ERG: variants seen among roughly 807,000 people sequenced by gnomAD.
ERG encodes ETS transcription factor ERG.
A neutral mutation model predicts 55.3 loss-of-function variants in ERG; 9 were observed. That is an observed-to-expected ratio of 0.16 (90% confidence interval 0.10 to 0.28). The LOEUF (loss-of-function observed/expected upper bound fraction) is 0.28, where lower values mean the gene tolerates loss of function less well. Among genes scored for constraint, ERG ranks in the 10% least tolerant of loss-of-function variants. The pLI, the probability that ERG is intolerant of heterozygous loss-of-function variation, is 1.00. For missense variants in ERG, 434 were observed against 631.6 expected (o/e 0.69, Z 3.35); for synonymous variants, 223 against 237.3 (o/e 0.94, Z 0.55).
At chr21:38,410,307 AT>A (rs1988984846) in intron 3 of ERG, among the ~76,000 whole-genome samples, 1 of 152,184 alleles carries the variant, frequency 6.6e-6, no homozygotes, top group Admixed American at 6.5e-5. Context: ...TAAGTTGTTC[AT>A]TTTCAGCCTT....
intron 2 of ERG, among the ~76,000 whole-genome samples, chr21:38,562,910 T>G (rs1310479863): frequency 6.6e-6 from 1 of 152,148 alleles, no homozygotes; most frequent in African/African-American, 2.4e-5. Flanking sequence ...TATATAGTAT[T>G]CACCTAATTT....
chr21:38,623,073 A>C (rs1273162091), intron 1 of ERG, among the ~76,000 whole-genome samples: 1 of 149,550 alleles, frequency 6.7e-6, no homozygotes, highest in African/African-American at 2.5e-5. Flanking sequence ...CATAAACCCC[A>C]CATACACACC....
At chr21:38,507,179 G>A (rs2059468569) in intron 2 of ERG, among the ~76,000 whole-genome samples, 1 of 152,198 alleles carries the variant, frequency 6.6e-6, no homozygotes, top group South Asian at 2.1e-4. Context: ...TGAGGACCCT[G>A]AGTGCAGGGC....
At chr21:38,619,426 C>G (rs910153570) in intron 1 of ERG, among the ~76,000 whole-genome samples, 2 of 152,138 alleles carry the variant, frequency 1.3e-5, no homozygotes, top group African/African-American at 4.8e-5. Flanking sequence ...CCTGCTCCCC[C>G]ATTTAATCTC....
intron 2 of ERG, among the ~76,000 whole-genome samples, chr21:38,514,194 A>G (rs1037034970): frequency 6.6e-6 from 1 of 151,804 alleles, no homozygotes; most frequent in Non-Finnish European, 1.5e-5. Flanking sequence ...TCCAGGCCAG[A>G]CGGATTTATC....
chr21:38,368,028 A>C, the ERG span, among the ~76,000 whole-genome samples: 1 of 152,336 alleles, frequency 6.6e-6, no homozygotes, highest in South Asian at 2.1e-4. Flanking sequence ...TTTAAAAAAT[A>C]ACTAAAGTCA....
intron 1 of ERG, among the ~76,000 whole-genome samples, chr21:38,445,839 C>T (rs1246340922): frequency 6.6e-6 from 1 of 151,884 alleles, no homozygotes; most frequent in Non-Finnish European, 1.5e-5. Flanking sequence ...ATGCAGGTCT[C>T]GAAGCATCCC....
At chr21:38,490,398 C>T (rs993669351) in intron 1 of ERG, among the ~76,000 whole-genome samples, 37 of 152,182 alleles carry the variant, frequency 2.4e-4, no homozygotes, top group East Asian at 1.9e-4. Flanking sequence ...TGGGCTCTTG[C>T]GACTTGGTGA....
At position 38,521,436 on chromosome 21, in the gene ERG, A is replaced by ATCTAACTCCTTATTTCACAT. The variant is rs1313494855; in HGVS notation, c.-41+54225_-41+54226insATGTGAAATAAGGAGTTAGA. On this transcript the variant is annotated intron_variant, in intron 2 of 8. Transcript: ENST00000398897. The stretch of plus-strand genomic sequence containing the variant: ...TAACTCCTTATTTCACATCTAAAAC[A>ATCTAACTCCTTATTTCACAT]CTATGTGACGCCACCTCCAAAAAAT... Among the ~76,000 whole-genome samples, 8 of 152,180 alleles carry ATCTAACTCCTTATTTCACAT rather than the reference A, an allele frequency of 5.3e-5. 1 individual carries two copies. The highest frequency in any genetic ancestry group is 7.3e-5 in the Non-Finnish European group (5 of 68,032).
upstream of ERG, among the ~76,000 whole-genome samples, chr21:38,501,824 A>C (rs1416828818): frequency 6.6e-6 from 1 of 152,184 alleles, no homozygotes; most frequent in Non-Finnish European, 1.5e-5. Flanking sequence ...ATCTGCCAAA[A>C]CCTTCCACTA....
At chr21:38,543,999 G>A (rs1013598479) in intron 2 of ERG, among the ~76,000 whole-genome samples, 6 of 152,114 alleles carry the variant, frequency 3.9e-5, no homozygotes, top group South Asian at 2.1e-4. Context: ...CTTGACCTCC[G>A]AAAGTGCTGG....
At chr21:38,500,670 C>G (rs2146697929), upstream of ERG, among the ~76,000 whole-genome samples, 1 of 152,110 alleles carries the variant, frequency 6.6e-6, no homozygotes, top group East Asian at 1.9e-4. Flanking sequence ...ATGCATATAT[C>G]CATCATTTTC....
At chr21:38,615,838 T>C (rs2060255801) in intron 1 of ERG, among the ~76,000 whole-genome samples, 1 of 151,974 alleles carries the variant, frequency 6.6e-6, no homozygotes, top group Admixed American at 6.6e-5. Context: ...GGGATGTCAC[T>C]GAATGCAGAG....
chr21:38,458,364 C>A (rs1473083992), intron 1 of ERG, among the ~76,000 whole-genome samples: 2 of 146,528 alleles, frequency 1.4e-5, no homozygotes, highest in Non-Finnish European at 3.0e-5. Flanking sequence ...GTGGAGGTTG[C>A]AGTGAGCTGA....
At chr21:38,375,302 A>G (rs1987212857), downstream of ERG, among the ~76,000 whole-genome samples, 1 of 152,202 alleles carries the variant, frequency 6.6e-6, no homozygotes, top group South Asian at 2.1e-4. Flanking sequence ...CCTCTATGTT[A>G]TGAGAGTCAG....
chr21:38,597,472 T>TACACACACACACACAC (rs3065420), intron 1 of ERG, among the ~76,000 whole-genome samples: 2,179 of 148,236 alleles, frequency 0.015, 35 homozygotes, highest in African/African-American at 0.038. Context: ...TATATATATC[T>TACACACACACACACAC]ACACACACAC....
chr21:38,390,229 T>C (rs2146425361), intron 9 of ERG, among the ~76,000 whole-genome samples: 1 of 152,362 alleles, frequency 6.6e-6, no homozygotes. Context: ...TGGTTACAAA[T>C]GGGCTAATTA....
chr21:38,386,481 G>A (rs1987696542), intron 9 of ERG, among the ~76,000 whole-genome samples: 1 of 152,194 alleles, frequency 6.6e-6, no homozygotes, highest in Non-Finnish European at 1.5e-5. Context: ...ATGAACAATG[G>A]TTGTTAAAAA....
chr21:38,568,523 A>G lies in ERG; in HGVS notation c.-41+7139T>C, dbSNP rs529678963. ...CACTCATAAAAATGAGCAAAAGTAT[A>G]AAAGCCAAAGGGAAAAGGAAGCCAA... On this transcript the variant is annotated intron_variant, in intron 2 of 8. Coordinates refer to the ERG transcript ENST00000398897. Among the ~76,000 whole-genome samples, 3 of 152,326 alleles carry G rather than the reference A, an allele frequency of 2.0e-5. No homozygotes were observed. In the South Asian group the frequency reaches 6.2e-4, roughly 32 times the overall value.
Sources: gnomAD v4.1 joint callset for allele counts (sites outside exome capture counted in the v4.1 genomes callset) on GRCh38, gnomAD v4.1.1 for gene constraint, MANE v1.5 for transcripts, NCBI Gene and HGNC (gene_info 2026-07-23, HGNC 2026-07-21) for gene names.